Variants in CNKSR2 observed in about 807,000 individuals in gnomAD.
The protein encoded by CNKSR2 is CNK homolog protein 2.
A neutral mutation model predicts 84.4 loss-of-function variants in CNKSR2; 14 were observed. That is an observed-to-expected ratio of 0.17 (90% CI 0.11 to 0.26). The LOEUF is 0.26. Among genes scored for constraint, CNKSR2 ranks in the 10% least tolerant of loss-of-function variants. The pLI, the probability that CNKSR2 is intolerant of heterozygous loss-of-function variation, is 1.00. For synonymous variants in CNKSR2, 275 were observed against 277.9 expected (o/e 0.99, Z 0.10); for missense variants, 485 against 771.2 (o/e 0.63, Z 4.40).
At position 21,652,722 on chromosome X, in the gene CNKSR2, G is replaced by A; in HGVS notation, c.*201G>A. The stretch of plus-strand genomic sequence containing the variant: ...TTATATGCAACAGTGCTCAGCTTAT[G>A]TTTACCATGTGCAAAATCAACTGTC... On this transcript the variant is annotated 3_prime_UTR_variant, in exon 22 of 22. Coordinates refer to ENST00000379510, the MANE Select transcript of CNKSR2 (RefSeq NM_014927.5). The A allele has an allele frequency of 2.8e-6, 1 of 358,093 alleles. No homozygotes were observed. Among genetic ancestry groups the A allele is most frequent in the Non-Finnish European group, 4.8e-6 (1 of 209,550 alleles). The allele number at this position is 358,093 out of a possible 1,213,427, so 29.5% of individuals were successfully genotyped here.
chrX:21,549,307 G>A (rs1032971931), intron 11 of CNKSR2, among the ~76,000 whole-genome samples: 5 of 111,682 alleles, frequency 4.5e-5, no homozygotes, highest in East Asian at 2.8e-4. Flanking sequence ...GTGGGCTCCC[G>A]TTCACAATTG....
At chrX:21,478,111 G>T (rs758348625) in intron 5 of CNKSR2, among the ~76,000 whole-genome samples, 46 of 111,500 alleles carry the variant, frequency 4.1e-4, no homozygotes, top group Non-Finnish European at 6.6e-4. Context: ...GATGAAAAAC[G>T]TAAGATGCTT....
intron 13 of CNKSR2, among the ~76,000 whole-genome samples, chrX:21,575,325 T>C (rs1226717153): frequency 9.0e-6 from 1 of 111,269 alleles, no homozygotes; most frequent in African/African-American, 3.3e-5. Context: ...GGTTTGGTTT[T>C]TTTATTAAAA....
chrX:21,509,078 T>G (rs924814482), intron 8 of CNKSR2, among the ~76,000 whole-genome samples: 1 of 112,147 alleles, frequency 8.9e-6, no homozygotes, highest in African/African-American at 3.2e-5. Context: ...TGTTAGTGCT[T>G]TCTTTTTAAA....
intron 8 of CNKSR2, among the ~76,000 whole-genome samples, chrX:21,512,446 C>G (rs181975269): frequency 9.0e-6 from 1 of 111,681 alleles, no homozygotes; most frequent in East Asian, 2.8e-4. Context: ...TCAACTATAC[C>G]GACAAAGGAC....
chrX:21,409,711 G>A (rs2090316408), intron 1 of CNKSR2, among the ~76,000 whole-genome samples: 1 of 111,158 alleles, frequency 9.0e-6, no homozygotes, highest in South Asian at 3.8e-4. Flanking sequence ...ACAGTATTGT[G>A]AAGGTTGAGG....
At chrX:21,648,419 G>A (rs1221855747) in intron 20 of CNKSR2, among the ~76,000 whole-genome samples, 1 of 111,936 alleles carries the variant, frequency 8.9e-6, no homozygotes, top group East Asian at 2.8e-4. Context: ...TCAGCATAAT[G>A]ATAAGGGATG....
intron 13 of CNKSR2, among the ~76,000 whole-genome samples, chrX:21,564,251 T>C (rs2092218787): frequency 9.0e-6 from 1 of 111,271 alleles, no homozygotes; most frequent in African/African-American, 3.3e-5. Flanking sequence ...TTAGTTTCTT[T>C]CCTGCAGTAA....
At position 21,461,341 on chromosome X, in the gene CNKSR2, C is replaced by G. The variant is rs770375495; in HGVS notation, c.520-9425C>G. On this transcript the variant is annotated intron_variant, in intron 4 of 21. Coordinates refer to ENST00000379510, the MANE Select transcript of CNKSR2 (RefSeq NM_014927.5). ...CCATTTGTATGTCTTCTTTTGAAAA[C>G]TGTCTATTCAAATCTTTTGCCCATT... Among the ~76,000 whole-genome samples, 3 of 112,227 alleles carry G rather than the reference C, an allele frequency of 2.7e-5. No homozygotes were observed. The Admixed American group carries it at 2.8e-4, about 11-fold the overall frequency.
intron 1 of CNKSR2, among the ~76,000 whole-genome samples, chrX:21,414,419 AT>A (rs201688415): frequency 0.018 from 1,833 of 104,524 alleles, 61 homozygotes; most frequent in Admixed American, 0.11. Context: ...AGATTATTAG[AT>A]TTTTTTTTTT....
intron 5 of CNKSR2, among the ~76,000 whole-genome samples, chrX:21,478,892 T>C (rs1357743460): frequency 1.8e-5 from 2 of 111,814 alleles, no homozygotes; most frequent in Non-Finnish European, 3.8e-5. Flanking sequence ...CCACTGTATA[T>C]ATGACCAAGG....
chrX:21,461,301 G>T lies in CNKSR2; in HGVS notation c.520-9465G>T, dbSNP rs1395613405. Among the ~76,000 whole-genome samples the T allele has an allele frequency of 3.6e-5, 4 of 112,187 alleles. No homozygotes were observed. In the East Asian group the frequency reaches 1.1e-3, roughly 31 times the overall value. ...ATGATCAATGATGTTGAATACCTTT[G>T]CATATGCCTGATGGCCATTTGTATG... On this transcript the variant is annotated intron_variant, in intron 4 of 21. Coordinates refer to ENST00000379510, the MANE Select transcript of CNKSR2 (RefSeq NM_014927.5).
chrX:21,530,691 C>A lies in CNKSR2; in HGVS notation c.1092-1165C>A, dbSNP rs183241193. 9.1e-4 allele frequency among the ~76,000 whole-genome samples: 101 copies of A among 110,626 alleles called. No individual in the cohort carries two copies. The Admixed American group carries it at 9.7e-3, about 11-fold the overall frequency. ...CAAGGAAGAAATTTAACTAATGGTC[C>A]ACAAGGGGGGAAACATTGCATTTAC... On this transcript the variant is annotated intron_variant, in intron 10 of 21. Transcript: ENST00000379510.
At chrX:21,473,647 G>T (rs1383140312) in intron 5 of CNKSR2, among the ~76,000 whole-genome samples, 1 of 106,574 alleles carries the variant, frequency 9.4e-6, no homozygotes, top group Non-Finnish European at 1.9e-5. Context: ...AAATCAGTAA[G>T]TTTTCTAGAC....
intron 1 of CNKSR2, among the ~76,000 whole-genome samples, chrX:21,415,827 CATAT>C (rs199961889): frequency 2.8e-5 from 2 of 70,301 alleles, no homozygotes; most frequent in Admixed American, 1.7e-4. Flanking sequence ...TACATATATA[CATAT>C]ATACACACAC....
intron 1 of CNKSR2, among the ~76,000 whole-genome samples, chrX:21,384,745 T>A (rs2089945502): frequency 1.8e-5 from 2 of 112,145 alleles, no homozygotes; most frequent in Non-Finnish European, 3.8e-5. Context: ...GGAGCTGTAT[T>A]TTTACTTAGA....
At chrX:21,406,504 A>T (rs1406485515) in intron 1 of CNKSR2, among the ~76,000 whole-genome samples, 2 of 111,628 alleles carry the variant, frequency 1.8e-5, no homozygotes, top group African/African-American at 6.5e-5. Flanking sequence ...TGTACTGATG[A>T]TATGATTAAC....
chrX:21,528,194 C>T (rs777373386), intron 10 of CNKSR2, among the ~76,000 whole-genome samples: 3 of 110,952 alleles, frequency 2.7e-5, no homozygotes, highest in South Asian at 7.4e-4. Context: ...ATCCAATATC[C>T]TACTAAAATG....
chrX:21,583,466 CTTGT>C (rs949815109), intron 13 of CNKSR2, among the ~76,000 whole-genome samples: 2 of 111,192 alleles, frequency 1.8e-5, no homozygotes, highest in African/African-American at 6.5e-5. Flanking sequence ...AAGAGTTTTA[CTTGT>C]TTATTTAAAA....
Sources: gnomAD v4.1 joint callset for allele counts (sites outside exome capture counted in the v4.1 genomes callset) on GRCh38, gnomAD v4.1.1 for gene constraint, MANE v1.5 for transcripts, NCBI Gene and HGNC (gene_info 2026-07-23, HGNC 2026-07-21) for gene names.